The following MYOM3 variants were observed in gnomAD, a reference collection of about 807,000 sequenced individuals.
MYOM3 encodes the protein myomesin 3.
MYOM3 carries 155 observed loss-of-function variants against 191.7 expected under a neutral mutation model. The ratio of observed to expected loss-of-function variants is 0.81; its 90% CI spans 0.71 to 0.92. The LOEUF (loss-of-function observed/expected upper bound fraction) is 0.92, where lower values mean the gene tolerates loss of function less well. MYOM3 is among the 40% of genes least tolerant of loss of function. The pLI, the probability that MYOM3 is intolerant of heterozygous loss-of-function variation, is 0.00. For synonymous variants in MYOM3, 757 were observed against 762.9 expected (o/e 0.99, Z 0.13); for missense variants, 1,889 against 1,890.6 (o/e 1.00, Z 0.02).
chr1:24,092,401 C>T, intron 10 of MYOM3, 86 bp from the exon 11 acceptor site: 1 of 1,193,424 alleles, frequency 8.4e-7, no homozygotes, highest in East Asian at 2.9e-5. Context: ...GCATCCTCTT[C>T]TCATCCATCC....
At chr1:24,068,833 C>T (rs751399653) in intron 25 of MYOM3, among the ~76,000 whole-genome samples, 1 of 152,148 alleles carries the variant, frequency 6.6e-6, no homozygotes, top group Non-Finnish European at 1.5e-5. Context: ...AAGCAATTCT[C>T]CTGCCTCAGT....
At chr1:24,109,448 A>G (rs943493931) in intron 1 of MYOM3, among the ~76,000 whole-genome samples, 24 of 152,214 alleles carry the variant, frequency 1.6e-4, no homozygotes, top group African/African-American at 3.9e-4. Flanking sequence ...CAGAAAGACT[A>G]CAGGCCACCT....
intron 19 of MYOM3, 78 bp downstream of exon 19, chr1:24,081,252 G>A (rs1477645748): frequency 2.6e-6 from 4 of 1,565,430 alleles, no homozygotes; most frequent in African/African-American, 2.7e-5. Flanking sequence ...AGAGGAGAGC[G>A]GCAACCTTCA....
In MYOM3 at chr1:24,058,981, TGGAAG is replaced by T. The variant is rs1443920235; in HGVS notation, c.3995-7_3995-3del. 1 of 1,610,682 alleles carries T rather than the reference TGGAAG, an allele frequency of 6.2e-7. No homozygotes were observed. The highest frequency in any genetic ancestry group is 1.7e-5 in the Admixed American group (1 of 59,702). On this transcript the variant is annotated splice_polypyrimidine_tract_variant and splice_region_variant and intron_variant, in intron 35 of 36. Coordinates refer to ENST00000374434, the MANE Select transcript of MYOM3 (RefSeq NM_152372.4). ...GACCTCTCACCACTTTGGCACGATCTGGAAGGGAAATAAGAGACCCCAGCGATGAA... is the reference window on the plus strand; with the variant it reads ...GACCTCTCACCACTTTGGCACGATCTGGAAATAAGAGACCCCAGCGATGAA...
chr1:24,102,260 C>T (rs1015647916), intron 5 of MYOM3, among the ~76,000 whole-genome samples: 36 of 152,176 alleles, frequency 2.4e-4, no homozygotes, highest in African/African-American at 8.2e-4. Context: ...TCCGCTAAAC[C>T]TCCCACAGGG....
intron 19 of MYOM3, among the ~76,000 whole-genome samples, chr1:24,080,953 C>T (rs994833455): frequency 6.6e-6 from 1 of 152,118 alleles, no homozygotes; most frequent in African/African-American, 2.4e-5. Flanking sequence ...TAAGAGGGTT[C>T]CTGGGACTTG....
intron 14 of MYOM3, 119 bp from the exon 15 acceptor site, chr1:24,086,946 C>A: frequency 9.6e-7 from 1 of 1,041,170 alleles, no homozygotes; most frequent in East Asian, 2.5e-5. Context: ...ATACTCAGCC[C>A]AGGCTGCCCC....
At position 24,071,989 on chromosome 1, in the gene MYOM3, C is replaced by T. The variant is rs746161662; in HGVS notation, c.2993G>A (p.Ser998Asn). The part of the protein sequence containing the change: ...EEELEKLKKL[S>N]HEIRNPVIKL... ...CTTACCTGGGTTTCTGATCTCATGA[C>T]TCAGCTTCTTCAGCTTCTCCAGCTC... Residue 998 changes from serine to asparagine, a missense_variant, in exon 24 of 37, where the codon AGT (serine) becomes AAT (asparagine). Transcript: ENST00000374434. 1 of 1,614,162 alleles carries T rather than the reference C, an allele frequency of 6.2e-7. No homozygotes were observed. The highest frequency in any genetic ancestry group is 2.2e-5 in the East Asian group (1 of 44,874).
At position 24,068,385 on chromosome 1, in the gene MYOM3, C is replaced by CAG. The variant is rs769026610; in HGVS notation, c.3151-20_3151-19dup. ...TTGCGGTTCTGAAAAGGACAAACTC[C>CAG]AGAGTCCTTTTCCCTGTTCTGGGAA... On this transcript the variant is annotated intron_variant, in intron 25 of 36. Transcript: ENST00000374434. 4 of 1,613,956 alleles carry CAG rather than the reference C, an allele frequency of 2.5e-6. No homozygotes were observed. The highest frequency in any genetic ancestry group is 3.4e-6 in the Non-Finnish European group (4 of 1,179,908).
intron 3 of MYOM3, among the ~76,000 whole-genome samples, chr1:24,107,728 C>T (rs776925387): frequency 8.5e-5 from 13 of 152,218 alleles, no homozygotes; most frequent in South Asian, 4.1e-4. Flanking sequence ...CCACGTGAAG[C>T]CCAGAAGTCT....
intron 15 of MYOM3, among the ~76,000 whole-genome samples, chr1:24,085,376 A>G (rs1553156717): frequency 6.6e-6 from 1 of 152,104 alleles, no homozygotes; most frequent in Non-Finnish European, 1.5e-5. Context: ...ATGGATGAAT[A>G]GATGGATAGA....
In MYOM3 at chr1:24,084,528, G is replaced by C; in HGVS notation, c.1910C>G (p.Ser637Cys). The C allele has an allele frequency of 6.2e-7, 1 of 1,614,170 alleles. No individual in the cohort carries two copies. The highest frequency in any genetic ancestry group is 8.5e-7 in the Non-Finnish European group (1 of 1,180,040). The change falls in exon 16 of 37, where the codon TCC (serine) becomes TGC (cysteine). Residue 637 changes from serine (S) to cysteine (C), a missense_variant. Physicochemically the swap from Ser to Cys is moderately radical, Grantham distance 112. Coordinates refer to ENST00000374434, the MANE Select transcript of MYOM3 (RefSeq NM_152372.4). ...CCACTCAGATGTCCCCACCTTCCGG[G>C]AGTAGATGTAATAACCCAGGAGCTC... ...DPELLGYYIY[S>C]RKVGTSEWQT...
At position 24,061,279 on chromosome 1, in the gene MYOM3, C is replaced by T; in HGVS notation, c.3965G>A (p.Arg1322Lys). Residue 1322 changes from arginine (R) to lysine (K), a missense_variant, in exon 34 of 37, where the codon AGA becomes AAA. Arg to Lys is a conservative substitution (Grantham distance 26, BLOSUM62 2). Coordinates refer to ENST00000374434, the MANE Select transcript of MYOM3 (RefSeq NM_152372.4). Reference sequence around the variant, plus strand: ...AAATGTAGAGGAAACTTACTTCAGTCTCTGGTGTTCAGCCATTGCATCCTC... The same window carrying T: ...AAATGTAGAGGAAACTTACTTCAGTTTCTGGTGTTCAGCCATTGCATCCTC... ...AFEDAMAEHQ[R>K]LKTLAIIEKN... 8.1e-6 allele frequency: 13 copies of T among 1,614,116 alleles called. No homozygotes were observed. The highest frequency in any genetic ancestry group is 1.1e-5 in the Non-Finnish European group (13 of 1,180,008).
intron 28 of MYOM3, 50 bp downstream of exon 28, chr1:24,066,971 C>T (rs1158319786): frequency 6.6e-7 from 1 of 1,510,448 alleles, no homozygotes; most frequent in South Asian, 1.2e-5. Context: ...TGGGGACAAG[C>T]CACAGGTCCC....
At chr1:24,100,276 C>G (rs58066618) in intron 5 of MYOM3, among the ~76,000 whole-genome samples, 83,853 of 152,122 alleles carry the variant, frequency 0.55, 24,409 homozygotes, top group African/African-American at 0.74. Context: ...TGAGAACACT[C>G]GCCTCACAGG....
At chr1:24,067,276 C>CT (rs1475399456) in intron 27 of MYOM3, among the ~76,000 whole-genome samples, 188 bp from the exon 28 acceptor site, 1 of 135,314 alleles carries the variant, frequency 7.4e-6, no homozygotes, top group Non-Finnish European at 1.7e-5. Flanking sequence ...TTCTTTCTTT[C>CT]TTCCTTCCTT....
intron 12 of MYOM3, among the ~76,000 whole-genome samples, chr1:24,090,425 G>A (rs1014386275): frequency 1.3e-5 from 2 of 152,218 alleles, no homozygotes; most frequent in Admixed American, 6.5e-5. Flanking sequence ...CCAAGTCAGC[G>A]TGGCTCCCGA....
At chr1:24,096,975 C>T (rs940676497) in intron 7 of MYOM3, among the ~76,000 whole-genome samples, 7 of 152,178 alleles carry the variant, frequency 4.6e-5, no homozygotes, top group African/African-American at 1.7e-4. Context: ...GAAATAGAGG[C>T]TCAGGGAAGT....
intron 8 of MYOM3, 89 bp from the exon 9 acceptor site, chr1:24,095,079 C>A: frequency 1.4e-6 from 2 of 1,407,266 alleles, no homozygotes; most frequent in East Asian, 2.3e-5. Flanking sequence ...TGGGGCATCC[C>A]TTCTCTTCTG....
Sources: allele counts gnomAD v4.1 joint callset (sites outside exome capture counted in the v4.1 genomes callset), GRCh38; gene constraint gnomAD v4.1.1; transcripts MANE v1.5; gene names NCBI Gene and HGNC (gene_info 2026-07-23, HGNC 2026-07-21).